The following PVALEF variants were observed in gnomAD, a reference collection of about 807,000 sequenced individuals.
The protein encoded by PVALEF is parvalbumin like EF-hand containing.
PVALEF carries 2 observed loss-of-function variants against 1.2 expected under a neutral mutation model. The ratio of observed to expected loss-of-function variants is 1.68; its 90% CI spans 0.69 to 5.28. The LOEUF (loss-of-function observed/expected upper bound fraction) is 5.28. PVALEF is among the 30% of genes most tolerant of loss of function. PVALEF has a pLI of 0.06. For missense variants in PVALEF, 35 were observed against 17.7 expected (o/e 1.97, Z -1.75); for synonymous variants, 16 against 6.5 (o/e 2.47, Z -2.24).
chr17:81,170,863 G>C (rs995640330), intron 2 of PVALEF, among the ~76,000 whole-genome samples: 1 of 152,038 alleles, frequency 6.6e-6, no homozygotes, highest in Non-Finnish European at 1.5e-5. Flanking sequence ...AGGGTGCTTG[G>C]GCCCCTCCAG....
intron 2 of PVALEF, among the ~76,000 whole-genome samples, chr17:81,172,656 A>G (rs1328320401): frequency 6.6e-6 from 1 of 152,106 alleles, no homozygotes; most frequent in Non-Finnish European, 1.5e-5. Context: ...GCTACCTGGG[A>G]GGCTGAGGCA....
chr17:81,177,183 T>C (rs1325053755), intron 2 of PVALEF, among the ~76,000 whole-genome samples: 1 of 116,936 alleles, frequency 8.6e-6, no homozygotes, highest in East Asian at 3.1e-4. Context: ...CGCCTCGGCC[T>C]CCCAAAGTGC....
At chr17:81,170,486 C>G (rs1481523998) in intron 2 of PVALEF, among the ~76,000 whole-genome samples, 2 of 152,040 alleles carry the variant, frequency 1.3e-5, no homozygotes, top group Non-Finnish European at 2.9e-5. Context: ...CAACTGAGGT[C>G]CCAATTCACA....
At chr17:81,175,163 A>G (rs952558664) in intron 2 of PVALEF, among the ~76,000 whole-genome samples, 3 of 152,218 alleles carry the variant, frequency 2.0e-5, no homozygotes, top group African/African-American at 7.2e-5. Flanking sequence ...GACAAAAACA[A>G]TTCCATGTAT....
intron 2 of PVALEF, among the ~76,000 whole-genome samples, chr17:81,172,592 A>G (rs899152514): frequency 6.6e-6 from 1 of 151,990 alleles, no homozygotes; most frequent in Non-Finnish European, 1.5e-5. Flanking sequence ...AGCCTGGCCT[A>G]TATGGTGAAA....
intron 2 of PVALEF, among the ~76,000 whole-genome samples, chr17:81,171,561 G>A (rs936913932): frequency 3.9e-5 from 6 of 152,126 alleles, no homozygotes; most frequent in East Asian, 1.9e-4. Context: ...ACGCCATCTC[G>A]GCTCACTGCA....
At chr17:81,170,228 T>A (rs2061515971) in intron 2 of PVALEF, among the ~76,000 whole-genome samples, 3 of 151,794 alleles carry the variant, frequency 2.0e-5, no homozygotes, top group African/African-American at 7.3e-5. Flanking sequence ...TATGTGTGCA[T>A]GTATGTGTAC....
At chr17:81,165,930 G>A in intron 1 of PVALEF, 183 bp downstream of exon 1, 3 of 1,577,636 alleles carry the variant, frequency 1.9e-6, no homozygotes, top group Non-Finnish European at 2.6e-6. Flanking sequence ...GGGCCGCCAG[G>A]GACTCACCGG....
In PVALEF at chr17:81,166,746, G is replaced by A; in HGVS notation, c.-438G>A. On this transcript the variant is annotated 5_prime_UTR_variant, in exon 2 of 7. Transcript: ENST00000637878. ...GGTGGCACCTGTGCTGGTGGAGTGG[G>A]GGTGGCTGGCTTTGCACACAGGCCT... 2.2e-6 allele frequency: 1 copy of A among 456,540 alleles called. No homozygotes were observed. 28.3% of individuals were successfully genotyped at this position (456,540 alleles called of 1,614,324 possible). A position where few individuals can be genotyped will look rare whatever the true frequency, so the allele number is the denominator to read the frequency against.
chr17:81,180,986 A>C, intron 3 of PVALEF, 137 bp from the exon 4 acceptor site: 1 of 468,162 alleles, frequency 2.1e-6, no homozygotes, highest in South Asian at 3.1e-5. Flanking sequence ...CGTGAGGCGC[A>C]CAGGATGGCC....
At chr17:81,173,889 CA>C (rs2061528484) in intron 2 of PVALEF, among the ~76,000 whole-genome samples, 1 of 152,106 alleles carries the variant, frequency 6.6e-6, no homozygotes, top group Non-Finnish European at 1.5e-5. Flanking sequence ...AACACAGATT[CA>C]AAAATCCTCA....
At chr17:81,172,619 G>C (rs1193926865) in intron 2 of PVALEF, among the ~76,000 whole-genome samples, 1 of 152,070 alleles carries the variant, frequency 6.6e-6, no homozygotes, top group Admixed American at 6.6e-5. Context: ...AAATTAGCCG[G>C]CGTGGTGGTG....
chr17:81,177,259 A>AT (rs1449345313), intron 2 of PVALEF, among the ~76,000 whole-genome samples: 1 of 138,284 alleles, frequency 7.2e-6, no homozygotes, highest in Non-Finnish European at 1.6e-5. Context: ...AAAAAAAAAA[A>AT]AAAGGCAGCC....
At chr17:81,176,583 TAA>T (rs776811128) in intron 2 of PVALEF, among the ~76,000 whole-genome samples, 10 of 136,866 alleles carry the variant, frequency 7.3e-5, no homozygotes, top group South Asian at 2.3e-4. Flanking sequence ...TGGCTGCTAT[TAA>T]AAAAAAAAAA....
chr17:81,172,228 A>G (rs1430201925), intron 2 of PVALEF, among the ~76,000 whole-genome samples: 1 of 152,130 alleles, frequency 6.6e-6, no homozygotes, highest in Non-Finnish European at 1.5e-5. Context: ...ACAGACTGCA[A>G]TGTTATTAGT....
chr17:81,165,992 T>C (rs777969141), intron 1 of PVALEF: 2 of 1,572,806 alleles, frequency 1.3e-6, no homozygotes, highest in East Asian at 2.4e-5. Context: ...GACGACGACA[T>C]GGCCGGGCCA....
At position 81,172,746 on chromosome 17, in the gene PVALEF, A is replaced by T. The variant is rs1331751994; in HGVS notation, c.-340+5902A>T. On this transcript the variant is annotated intron_variant, in intron 2 of 6. Transcript: ENST00000637878. ...GACACTGCACTCCAGCCTGGGCGAC[A>T]GAGCGAGACTCTGTCTCAAAACAAA... Among the ~76,000 whole-genome samples the T allele has an allele frequency of 2.0e-5, 3 of 152,302 alleles. No individual in the cohort carries two copies. The East Asian group carries it at 5.8e-4, about 29-fold the overall frequency.
At chr17:81,166,563 C>T (rs1309121535) in intron 1 of PVALEF, 114 bp from the exon 2 acceptor site, 3 of 239,508 alleles carry the variant, frequency 1.3e-5, no homozygotes, top group African/African-American at 1.5e-4. Flanking sequence ...GAGGGAACGC[C>T]GGGGTGGGGG....
chr17:81,174,030 C>A (rs2061528868), intron 2 of PVALEF, among the ~76,000 whole-genome samples: 1 of 152,200 alleles, frequency 6.6e-6, no homozygotes, highest in South Asian at 2.1e-4. Flanking sequence ...ACCACATTCT[C>A]AGGAGAACAG....
Sources: gnomAD v4.1 joint callset for allele counts (sites outside exome capture counted in the v4.1 genomes callset) on GRCh38, gnomAD v4.1.1 for gene constraint, MANE v1.5 for transcripts, NCBI Gene and HGNC (gene_info 2026-07-23, HGNC 2026-07-21) for gene names.